ENO4: variants seen among roughly 807,000 people sequenced by gnomAD.
The protein encoded by ENO4 is 2-phospho-D-glycerate hydro-lyase.
A neutral mutation model predicts 63.2 loss-of-function variants in ENO4; 53 were observed. The ratio of observed to expected loss-of-function variants is 0.84; its 90% CI spans 0.67 to 1.05. The LOEUF (loss-of-function observed/expected upper bound fraction) is 1.05, where lower values mean the gene tolerates loss of function less well. ENO4 is among the 50% of genes least tolerant of loss of function. The probability of loss-of-function intolerance (pLI) is 0.00; values close to 1 mark genes in which losing one functional copy is unlikely to be tolerated. For missense variants in ENO4, 719 were observed against 772.0 expected (o/e 0.93, Z 0.81); for synonymous variants, 266 against 283.8 (o/e 0.94, Z 0.63).
chr10:116,852,854 C>T (rs1227777328), intron 1 of ENO4, among the ~76,000 whole-genome samples: 1 of 152,140 alleles, frequency 6.6e-6, no homozygotes, highest in Non-Finnish European at 1.5e-5. Flanking sequence ...ATGCTGGCTC[C>T]TGTCAAGCCT....
chr10:116,882,015 G>A lies in ENO4; in HGVS notation c.*346G>A, dbSNP rs1288850408. Reference sequence around the variant, plus strand: ...CCTTTACCAATCAGAATATCTCTGAGAACAAAAACCTAATGACCCTAGAAG... The same window carrying A: ...CCTTTACCAATCAGAATATCTCTGAAAACAAAAACCTAATGACCCTAGAAG... On this transcript the variant is annotated 3_prime_UTR_variant, in exon 14 of 14. Transcript: ENST00000341276. 1 of 179,472 alleles carries A rather than the reference G, an allele frequency of 5.6e-6. No homozygotes were observed. Among genetic ancestry groups the A allele is most frequent in the African/African-American group, 2.3e-5 (1 of 42,614 alleles). The allele number at this position is 179,472 out of a possible 1,614,324, so 11.1% of individuals were successfully genotyped here.
chr10:116,856,627 C>T lies in ENO4; in HGVS notation c.430C>T (p.His144Tyr), dbSNP rs1346912998. Reference sequence around the variant, plus strand: ...GCAGTGGGTCAACAGCACCATCACGCACGAGCTCCAGGGGATGGCACCCTC... The same window carrying T: ...GCAGTGGGTCAACAGCACCATCACGTACGAGCTCCAGGGGATGGCACCCTC... ...AVQWVNSTIT[H>Y]ELQGMAPSDQ... Residue 144 changes from histidine to tyrosine, a missense_variant, in exon 3 of 14, where the codon CAC becomes TAC. Physicochemically the swap from His to Tyr is moderately conservative, Grantham distance 83. Coordinates refer to ENST00000341276, the MANE Select transcript of ENO4 (RefSeq NM_001242699.2). 6.5e-7 allele frequency: 1 copy of T among 1,536,054 alleles called. No homozygotes were observed. Among genetic ancestry groups the T allele is most frequent in the Admixed American group, 2.0e-5 (1 of 50,952 alleles).
intron 10 of ENO4, among the ~76,000 whole-genome samples, chr10:116,875,560 G>GTC (rs755803954): frequency 5.1e-4 from 6 of 11,804 alleles, no homozygotes; most frequent in Non-Finnish European, 8.5e-4. Flanking sequence ...GTCCAGGCTG[G>GTC]TCACACACAC....
chr10:116,874,135 C>T lies in ENO4; in HGVS notation c.1275C>T (p.Asp425=), dbSNP rs1409590022. The change falls in exon 10 of 14, where the codon GAC becomes GAT. Residue 425 remains aspartate, a synonymous_variant. Transcript: ENST00000341276. ...ACAAAAATGCAGCGGAGATGGTTGA[C>T]CTGTATGTGGATCTGATCAACAAGT... is the stretch of plus-strand genomic sequence containing the variant. The part of the protein sequence containing the change: ...GTYKNAAEMV[D]LYVDLINKYP... The T allele has an allele frequency of 6.5e-7, 1 of 1,549,584 alleles. No individual in the cohort carries two copies. Among genetic ancestry groups the T allele is most frequent in the Non-Finnish European group, 8.7e-7 (1 of 1,146,052 alleles).
At chr10:116,911,701 C>G in exon 11 of ENO4, 1 of 1,577,268 alleles carries the variant, frequency 6.3e-7, no homozygotes, top group Non-Finnish European at 8.7e-7. Context: ...GAATAAAACA[C>G]ACCACAAACA....
At chr10:116,853,667 AAC>A (rs1180092976) in intron 1 of ENO4, among the ~76,000 whole-genome samples, 3 of 152,192 alleles carry the variant, frequency 2.0e-5, no homozygotes, top group African/African-American at 7.2e-5. Flanking sequence ...AACTCACTAT[AAC>A]ACACAGAGTG....
chr10:116,885,087 C>T (rs796962411), downstream of ENO4: 1 of 152,566 alleles, frequency 6.6e-6, no homozygotes, highest in South Asian at 2.1e-4. Context: ...CCTGCCTACC[C>T]ACCTCTTCAA....
chr10:116,849,726 C>A lies in ENO4; in HGVS notation c.160C>A (p.His54Asn), dbSNP rs773341569. Residue 54 changes from histidine to asparagine, a missense_variant, in exon 1 of 14, where the codon CAC becomes AAC. Physicochemically the swap from His to Asn is moderately conservative, Grantham distance 68 (BLOSUM62 1). Around this residue, in one of 3 missense-constraint regions of ENO4, gnomAD observed 544 missense variants for 583.6 expected, o/e 0.93. Transcript: ENST00000341276. ...FYLQPADVYG[H>N]LANCFSKLAK... is the part of the protein sequence containing the mutation. ...CCTCCAGCCTGCCGACGTCTACGGG[C>A]ACCTGGTAGGGACCTGGGACAAGCG... is the stretch of plus-strand genomic sequence containing the variant. 2 of 1,521,606 alleles carry A rather than the reference C, an allele frequency of 1.3e-6. No individual in the cohort carries two copies. Among genetic ancestry groups the A allele is most frequent in the South Asian group, 2.5e-5 (2 of 79,094 alleles). The allele number at this position is 1,521,606 out of a possible 1,614,324, so 94.3% of individuals were successfully genotyped here.
chr10:116,873,770 C>A, intron 9 of ENO4: 1 of 594,598 alleles, frequency 1.7e-6, no homozygotes, highest in Non-Finnish European at 2.1e-6. Flanking sequence ...TCTACGCAGG[C>A]AGCCAAGTCT....
downstream of ENO4, chr10:116,886,312 C>T: frequency 6.4e-7 from 1 of 1,551,742 alleles, no homozygotes; most frequent in Non-Finnish European, 8.7e-7. Flanking sequence ...TTGAAAAGGA[C>T]TTCCAAACAT....
At chr10:116,869,791 G>A (rs1846640241) in intron 8 of ENO4, among the ~76,000 whole-genome samples, 1 of 152,164 alleles carries the variant, frequency 6.6e-6, no homozygotes, top group African/African-American at 2.4e-5. Context: ...ATTAGAAACA[G>A]TCTAGAGTAT....
chr10:116,879,467 G>C, intron 12 of ENO4, 109 bp downstream of exon 12: 1 of 812,194 alleles, frequency 1.2e-6, no homozygotes, highest in South Asian at 1.9e-5. Context: ...TTATGAAATA[G>C]ACTTGCTTCC....
At chr10:116,863,957 G>A (rs770705616) in intron 7 of ENO4, among the ~76,000 whole-genome samples, 11 of 152,146 alleles carry the variant, frequency 7.2e-5, no homozygotes, top group Non-Finnish European at 1.6e-4. Context: ...CCGTGACCTT[G>A]GGCCAATTCC....
intron 12 of ENO4, 63 bp from the exon 13 acceptor site, chr10:116,879,806 A>G: frequency 8.0e-7 from 1 of 1,244,050 alleles, no homozygotes; most frequent in Non-Finnish European, 1.1e-6. Flanking sequence ...TCTTTAAAGA[A>G]TTGTTTGTCG....
Sources: gnomAD v4.1 joint callset for allele counts (sites outside exome capture counted in the v4.1 genomes callset) on GRCh38, gnomAD v4.1.1 for gene constraint, gnomAD v4.1.1 regional missense constraint, MANE v1.5 for transcripts, NCBI Gene and HGNC (gene_info 2026-07-23, HGNC 2026-07-21) for gene names.